MRTFA: variants seen among roughly 807,000 people sequenced by gnomAD.
MRTFA encodes myocardin related transcription factor A.
A neutral mutation model predicts 83.5 loss-of-function variants in MRTFA; 20 were observed. The observed-to-expected ratio is 0.24, with a 90% CI of 0.17 to 0.35. The LOEUF (loss-of-function observed/expected upper bound fraction) is 0.35. Ranked by LOEUF, MRTFA falls within the 10% of genes least tolerant of loss-of-function variation. The pLI is 1.00. For missense variants in MRTFA, 1,200 were observed against 1,224.7 expected, an observed-to-expected ratio of 0.98 and a Z score of 0.30; for synonymous variants, 659 against 541.2, an observed-to-expected ratio of 1.22 and a Z score of -3.02.
At chr22:40,541,772 T>C (rs954251490) in intron 3 of MRTFA, among the ~76,000 whole-genome samples, 8 of 150,654 alleles carry the variant, frequency 5.3e-5, no homozygotes, top group African/African-American at 2.0e-4. Context: ...GTTCAAGCGA[T>C]TCTCTTGCCT....
At chr22:40,485,818 G>A (rs2054165707) in intron 3 of MRTFA, among the ~76,000 whole-genome samples, 1 of 152,158 alleles carries the variant, frequency 6.6e-6, no homozygotes, top group Non-Finnish European at 1.5e-5. Context: ...GATGGAGGAG[G>A]AGCAAGGGCT....
chr22:40,580,623 GAAGT>G, intron 2 of MRTFA, among the ~76,000 whole-genome samples: 2 of 152,302 alleles, frequency 1.3e-5, no homozygotes, highest in East Asian at 3.9e-4. Context: ...GAGAATATTG[GAAGT>G]AAGTTGAAAG....
At chr22:40,487,475 G>C (rs1172892743) in intron 3 of MRTFA, among the ~76,000 whole-genome samples, 1 of 152,068 alleles carries the variant, frequency 6.6e-6, no homozygotes, top group Admixed American at 6.6e-5. Context: ...GTTCACCATT[G>C]GCAAGATCAA....
Position 40,635,319 on chromosome 22 carries a change from G to A in MRTFA, c.-84+1159C>T, listed in dbSNP as rs188584775. On this transcript the variant is annotated intron_variant, in intron 1 of 14. Transcript: ENST00000355630. ...TTGGGGGTCTTCTGAAGTAAAACATGTAGGTCTAACTTCTTACTGACAATA... is the reference window on the plus strand; with the variant it reads ...TTGGGGGTCTTCTGAAGTAAAACATATAGGTCTAACTTCTTACTGACAATA... 7.4e-4 allele frequency among the ~76,000 whole-genome samples: 106 copies of A among 143,178 alleles called. 1 individual carries two copies. In the Middle Eastern group the frequency reaches 0.014, roughly 19 times the overall value. 93.9% of individuals were successfully genotyped at this position (143,178 alleles called of 152,430 possible).
chr22:40,588,994 A>C (rs539949973), intron 2 of MRTFA, among the ~76,000 whole-genome samples: 1 of 152,170 alleles, frequency 6.6e-6, no homozygotes, highest in Non-Finnish European at 1.5e-5. Context: ...GGGGAAAAAA[A>C]AAGATCATAT....
chr22:40,411,834 C>T lies in MRTFA; in HGVS notation c.2652G>A (p.Gly884=), dbSNP rs1053684868. The T allele has an allele frequency of 1.3e-6, 2 of 1,508,952 alleles. No individual in the cohort carries two copies. Among genetic ancestry groups the T allele is most frequent in the Admixed American group, 2.2e-5 (1 of 44,604 alleles). The allele number at this position is 1,508,952 out of a possible 1,614,324, so 93.5% of individuals were successfully genotyped here. ...GTGATGGCTGTGCTGCCAGGGGGGA[C>T]CCACAGACTGTCTTCGGGGATGGCT... The change falls in exon 15 of 15, where the codon GGG becomes GGA. Residue 884 remains glycine, a synonymous_variant. Transcript: ENST00000355630.
At chr22:40,576,257 C>A (rs746582530) in intron 2 of MRTFA, among the ~76,000 whole-genome samples, 2 of 152,112 alleles carry the variant, frequency 1.3e-5, no homozygotes, top group Non-Finnish European at 2.9e-5. Flanking sequence ...TCTCAAACTC[C>A]TGACCTCAGG....
intron 4 of MRTFA, among the ~76,000 whole-genome samples, chr22:40,450,897 C>T (rs1162978533): frequency 6.6e-6 from 1 of 152,204 alleles, no homozygotes; most frequent in Non-Finnish European, 1.5e-5. Flanking sequence ...AGCCAGAAAA[C>T]CCGGATTGGG....
rs750388772 is a variant in MRTFA, at chr22:40,411,850, G to A, written c.2636C>T (p.Pro879Leu). 36 of 1,497,486 alleles carry A rather than the reference G, an allele frequency of 2.4e-5. No homozygotes were observed. Among genetic ancestry groups the A allele is most frequent in the African/African-American group, 2.8e-5 (2 of 71,258 alleles). 92.8% of individuals were successfully genotyped at this position (1,497,486 alleles called of 1,614,324 possible). A position where few individuals can be genotyped will look rare whatever the true frequency, so the allele number is the denominator to read the frequency against. The stretch of plus-strand genomic sequence containing the variant: ...CAGGGGGGACCCACAGACTGTCTTC[G>A]GGGATGGCTTCTCCTTCCCTGGCAG... Residue 879 changes from proline (P) to leucine (L), a missense_variant, in exon 15 of 15, where the codon CCG becomes CTG. Transcript: ENST00000355630.
chr22:40,558,716 G>T (rs1057477801), intron 2 of MRTFA, among the ~76,000 whole-genome samples: 1 of 151,530 alleles, frequency 6.6e-6, no homozygotes, highest in Admixed American at 6.6e-5. Context: ...GCCAACCCAA[G>T]TCCAAGTCCA....
intron 1 of MRTFA, among the ~76,000 whole-genome samples, chr22:40,605,780 G>A (rs1176193628): frequency 6.6e-6 from 1 of 152,186 alleles, no homozygotes; most frequent in Non-Finnish European, 1.5e-5. Flanking sequence ...TTCATCTACA[G>A]TTTGGGTTGG....
At chr22:40,439,504 CAAAA>C (rs756033541) in intron 4 of MRTFA, among the ~76,000 whole-genome samples, 29 of 32,146 alleles carry the variant, frequency 9.0e-4, no homozygotes, top group South Asian at 5.3e-3. Context: ...GACTCTGTCT[CAAAA>C]AAAAAAAAAA....
At chr22:40,450,622 A>T (rs1602261809) in intron 4 of MRTFA, among the ~76,000 whole-genome samples, 1 of 146,090 alleles carries the variant, frequency 6.8e-6, no homozygotes, top group South Asian at 2.2e-4. Flanking sequence ...CAGCTGGCTA[A>T]TTTTTTTTTT....
intron 1 of MRTFA, among the ~76,000 whole-genome samples, chr22:40,617,587 C>T (rs1000410541): frequency 1.3e-5 from 2 of 151,842 alleles, no homozygotes; most frequent in African/African-American, 4.8e-5. Context: ...ATTAGCCAGG[C>T]GTGGTGGCGG....
chr22:40,530,968 C>T (rs1163006491), intron 3 of MRTFA, among the ~76,000 whole-genome samples: 2 of 152,184 alleles, frequency 1.3e-5, no homozygotes, highest in Non-Finnish European at 2.9e-5. Context: ...ATACTAAGTA[C>T]CATGTGCCAG....
chr22:40,606,674 G>A (rs1183874997), intron 1 of MRTFA, among the ~76,000 whole-genome samples: 6 of 152,172 alleles, frequency 3.9e-5, no homozygotes, highest in Admixed American at 6.5e-5. Context: ...GCTTCATCTG[G>A]AGGCCTAATC....
chr22:40,629,775 CAAAAAAA>C (rs766356425), intron 1 of MRTFA, among the ~76,000 whole-genome samples: 29 of 40,368 alleles, frequency 7.2e-4, no homozygotes, highest in Non-Finnish European at 1.2e-3. Flanking sequence ...GATTCCATCT[CAAAAAAA>C]AAAAAAAAAA....
chr22:40,418,071 G>C (rs570913188), intron 12 of MRTFA, among the ~76,000 whole-genome samples: 2 of 152,286 alleles, frequency 1.3e-5, no homozygotes, highest in African/African-American at 2.4e-5. Context: ...CCACAGAGCA[G>C]CACTAGGGCA....
intron 3 of MRTFA, among the ~76,000 whole-genome samples, chr22:40,470,232 T>TATAC (rs2053878097): frequency 8.0e-4 from 2 of 2,498 alleles, no homozygotes; most frequent in African/African-American, 2.0e-3. Context: ...TCCAAAATTT[T>TATAC]ATATATATAT....
Sources: allele counts gnomAD v4.1 joint callset (sites outside exome capture counted in the v4.1 genomes callset), GRCh38; gene constraint gnomAD v4.1.1; transcripts MANE v1.5; gene names NCBI Gene and HGNC (gene_info 2026-07-23, HGNC 2026-07-21).